Variants in B3GLCT observed in about 807,000 individuals in gnomAD.
The protein encoded by B3GLCT is beta 3-glucosyltransferase.
A neutral mutation model predicts 63.4 loss-of-function variants in B3GLCT; 65 were observed. The ratio of observed to expected loss-of-function variants is 1.03; its 90% CI spans 0.84 to 1.26. The LOEUF is 1.26. Among genes scored for constraint, B3GLCT ranks in the 50% most tolerant of loss-of-function variants. The pLI, the probability that B3GLCT is intolerant of heterozygous loss-of-function variation, is 0.00. For missense variants in B3GLCT, 577 were observed against 604.8 expected, an observed-to-expected ratio of 0.95 and a Z score of 0.48; for synonymous variants, 233 against 219.2, an observed-to-expected ratio of 1.06 and a Z score of -0.55.
intron 1 of B3GLCT, among the ~76,000 whole-genome samples, chr13:31,213,616 A>T (rs956079768): frequency 1.8e-5 from 1 of 56,838 alleles, no homozygotes. Context: ...ACACCCCCCC[A>T]CCCCACCCCC....
intron 12 of B3GLCT, among the ~76,000 whole-genome samples, chr13:31,310,819 C>T (rs1312330350): frequency 4.6e-5 from 7 of 152,258 alleles, no homozygotes; most frequent in Non-Finnish European, 8.8e-5. Context: ...TTTTCAGGCT[C>T]TGCTGCATCC....
chr13:31,266,482 C>T (rs1205486332), intron 7 of B3GLCT, among the ~76,000 whole-genome samples: 1 of 152,132 alleles, frequency 6.6e-6, no homozygotes, highest in Non-Finnish European at 1.5e-5. Flanking sequence ...ATTGGAAAAA[C>T]CTGTTATCTT....
intron 1 of B3GLCT, among the ~76,000 whole-genome samples, chr13:31,208,542 C>T (rs1388851135): frequency 6.6e-6 from 1 of 151,746 alleles, no homozygotes; most frequent in Non-Finnish European, 1.5e-5. Flanking sequence ...TTCTAGGAAG[C>T]CCCAGGCCCT....
Position 31,225,769 on chromosome 13 carries a change from A to G in B3GLCT, c.160+2778A>G, listed in dbSNP as rs578083745. Among the ~76,000 whole-genome samples the G allele has an allele frequency of 3.3e-5, 5 of 151,498 alleles. No homozygotes were observed. In the South Asian group the frequency reaches 1.0e-3, roughly 32 times the overall value. ...GGTCTTCCCACCCCTTTTTTCCCCC[A>G]TCTTCGGGACAGTGTCCTCCTTCCC... is the stretch of plus-strand genomic sequence containing the variant. On this transcript the variant is annotated intron_variant, in intron 3 of 14. Coordinates refer to ENST00000343307, the MANE Select transcript of B3GLCT (RefSeq NM_194318.4).
At chr13:31,203,955 C>T (rs753882593) in intron 1 of B3GLCT, among the ~76,000 whole-genome samples, 1 of 152,208 alleles carries the variant, frequency 6.6e-6, no homozygotes, top group Non-Finnish European at 1.5e-5. Context: ...CAAAGCCTCT[C>T]ATTTATTCAG....
At chr13:31,202,008 A>G (rs1347641324) in intron 1 of B3GLCT, among the ~76,000 whole-genome samples, 1 of 152,160 alleles carries the variant, frequency 6.6e-6, no homozygotes, top group Non-Finnish European at 1.5e-5. Context: ...AATACCTTTT[A>G]TGGAGCTCTG....
At chr13:31,276,800 A>T in intron 10 of B3GLCT, 29 bp downstream of exon 10, 1 of 1,517,404 alleles carries the variant, frequency 6.6e-7, no homozygotes, top group Non-Finnish European at 9.2e-7. Flanking sequence ...ATTTTATTGA[A>T]CGCTAAAATC....
At chr13:31,212,625 G>C (rs1004724902) in intron 1 of B3GLCT, among the ~76,000 whole-genome samples, 2 of 152,048 alleles carry the variant, frequency 1.3e-5, no homozygotes, top group African/African-American at 2.4e-5. Flanking sequence ...GCCCAGGCTG[G>C]TTTCAAGCTC....
At chr13:31,294,179 G>T (rs536318582) in intron 12 of B3GLCT, among the ~76,000 whole-genome samples, 1 of 152,172 alleles carries the variant, frequency 6.6e-6, no homozygotes, top group African/African-American at 2.4e-5. Context: ...TGGGAGATCC[G>T]CTGTTTGTCT....
rs116063744 is a variant in B3GLCT at position 31,302,234 on chromosome 13, C to G, written c.1065-15332C>G. On this transcript the variant is annotated intron_variant, in intron 12 of 14. Transcript: ENST00000343307. ...TGAGGTGCCTATGCAAAATGGGCCC[C>G]TTTAACAACAACATGTACCATGGCC... Among the ~76,000 whole-genome samples the G allele has an allele frequency of 5.5e-3, 836 of 152,316 alleles. 12 individuals are homozygous for G. The highest frequency in any genetic ancestry group is 0.019 in the African/African-American group (803 of 41,568).
In B3GLCT at chr13:31,255,935, T is replaced by C. The variant is rs558691804; in HGVS notation, c.460-5011T>C. 7.2e-5 allele frequency among the ~76,000 whole-genome samples: 11 copies of C among 152,292 alleles called. No homozygotes were observed. The East Asian group carries it at 2.1e-3, about 29-fold the overall frequency. On this transcript the variant is annotated intron_variant, in intron 6 of 14. Coordinates refer to ENST00000343307, the MANE Select transcript of B3GLCT (RefSeq NM_194318.4). ...AAAGCAATGGCAACAAAAGCCAAAA[T>C]TGACAGATGGCATCTGATTAAACTA... is the stretch of plus-strand genomic sequence containing the variant.
chr13:31,315,884 A>T (rs1335770661), intron 12 of B3GLCT, among the ~76,000 whole-genome samples: 1 of 152,228 alleles, frequency 6.6e-6, no homozygotes, highest in Non-Finnish European at 1.5e-5. Context: ...CAGATGCTCC[A>T]GCCATGGCTA....
At chr13:31,286,558 GTC>G (rs1356650472) in intron 11 of B3GLCT, among the ~76,000 whole-genome samples, 160 bp from the exon 12 acceptor site, 3 of 151,902 alleles carry the variant, frequency 2.0e-5, no homozygotes, top group Non-Finnish European at 4.4e-5. Flanking sequence ...GGTTCAATGT[GTC>G]TGTGAAAATT....
chr13:31,323,963 G>A, intron 14 of B3GLCT, 68 bp downstream of exon 14: 4 of 1,572,536 alleles, frequency 2.5e-6, no homozygotes, highest in South Asian at 2.2e-5. Flanking sequence ...TTAAGGATTT[G>A]ACTTCTTTCT....
chr13:31,320,812 T>C (rs1227567052), intron 13 of B3GLCT, among the ~76,000 whole-genome samples: 2 of 152,200 alleles, frequency 1.3e-5, no homozygotes, highest in East Asian at 3.9e-4. Flanking sequence ...CCTCCCAAGA[T>C]ACGACATTCG....
At chr13:31,290,978 C>A (rs1271774964) in intron 12 of B3GLCT, among the ~76,000 whole-genome samples, 3 of 152,120 alleles carry the variant, frequency 2.0e-5, no homozygotes, top group Non-Finnish European at 4.4e-5. Flanking sequence ...TTCTTCTAGA[C>A]TCTTTATGGT....
chr13:31,329,557 C>G lies in B3GLCT; in HGVS notation c.1386C>G (p.Phe462Leu). The change falls in exon 15 of 15, where the codon TTC becomes TTG. Residue 462 changes from phenylalanine to leucine, a missense_variant. Transcript: ENST00000343307. ...DYLSHQVPIS[F>L]HKHWNIDPVK... The stretch of plus-strand genomic sequence containing the variant: ...TTTCTCATCAAGTTCCCATATCGTT[C>G]CACAAACACTGGAACATCGATCCAG... 1 of 1,614,172 alleles carries G rather than the reference C, an allele frequency of 6.2e-7. No individual in the cohort carries two copies.
At chr13:31,211,936 T>C (rs1330047102) in intron 1 of B3GLCT, among the ~76,000 whole-genome samples, 3 of 152,232 alleles carry the variant, frequency 2.0e-5, no homozygotes, top group Non-Finnish European at 4.4e-5. Flanking sequence ...GTCATATAGC[T>C]GTCTGGCCTC....
intron 7 of B3GLCT, among the ~76,000 whole-genome samples, chr13:31,266,792 A>T: frequency 6.6e-6 from 1 of 152,076 alleles, no homozygotes; most frequent in South Asian, 2.1e-4. Context: ...ATTTTTTGAG[A>T]TGGAGTCTTG....
Sources: allele counts gnomAD v4.1 joint callset (sites outside exome capture counted in the v4.1 genomes callset), GRCh38; gene constraint gnomAD v4.1.1; transcripts MANE v1.5; gene names NCBI Gene and HGNC (gene_info 2026-07-23, HGNC 2026-07-21).